The following WDR70 variants were observed in gnomAD, a reference collection of about 807,000 sequenced individuals.
WDR70 encodes WD repeat domain 70.
WDR70 carries 53 observed loss-of-function variants against 88.6 expected under a neutral mutation model. The observed-to-expected ratio is 0.60, with a 90% confidence interval of 0.48 to 0.75. WDR70 has a LOEUF of 0.75. Ranked by LOEUF, WDR70 falls within the 30% of genes least tolerant of loss-of-function variation. WDR70 has a pLI of 0.00. For missense variants in WDR70, 610 were observed against 823.2 expected, an observed-to-expected ratio of 0.74 and a Z score of 3.17; for synonymous variants, 280 against 270.0, an observed-to-expected ratio of 1.04 and a Z score of -0.36.
intron 7 of WDR70, among the ~76,000 whole-genome samples, chr5:37,473,499 C>T (rs1310674393): frequency 6.6e-6 from 1 of 151,884 alleles, no homozygotes; most frequent in East Asian, 1.9e-4. Context: ...TGTGCCATCA[C>T]GCTCAGCTAA....
At chr5:37,528,818 T>C (rs1006748862) in intron 9 of WDR70, among the ~76,000 whole-genome samples, 2 of 152,120 alleles carry the variant, frequency 1.3e-5, no homozygotes, top group Non-Finnish European at 2.9e-5. Context: ...TTTAGTTTAA[T>C]TGAGTCCCAT....
At chr5:37,404,059 C>G (rs1749281108) in intron 5 of WDR70, among the ~76,000 whole-genome samples, 1 of 152,142 alleles carries the variant, frequency 6.6e-6, no homozygotes, top group Non-Finnish European at 1.5e-5. Flanking sequence ...GTTTCTTAAT[C>G]TGAATGTAAG....
At chr5:37,522,610 C>G (rs1319174432) in intron 9 of WDR70, among the ~76,000 whole-genome samples, 1 of 152,036 alleles carries the variant, frequency 6.6e-6, no homozygotes, top group East Asian at 1.9e-4. Flanking sequence ...GTTCATCTCA[C>G]TGGGGCTTGT....
intron 10 of WDR70, among the ~76,000 whole-genome samples, chr5:37,647,781 G>T: frequency 6.6e-6 from 1 of 152,208 alleles, no homozygotes; most frequent in Non-Finnish European, 1.5e-5. Flanking sequence ...GCTGCCTGAA[G>T]TTAGAGGAGG....
intron 9 of WDR70, among the ~76,000 whole-genome samples, chr5:37,524,365 A>G (rs1741192336): frequency 6.6e-6 from 1 of 152,236 alleles, no homozygotes; most frequent in African/African-American, 2.4e-5. Context: ...CCAGAATTTC[A>G]TATCCAGCCA....
intron 9 of WDR70, among the ~76,000 whole-genome samples, chr5:37,576,835 A>G (rs572658206): frequency 3.5e-4 from 53 of 150,380 alleles, no homozygotes; most frequent in African/African-American, 1.3e-3. Context: ...CATCAAATTT[A>G]TTTTTATTTT....
intron 8 of WDR70, among the ~76,000 whole-genome samples, chr5:37,496,437 G>A (rs1339649492): frequency 6.6e-6 from 1 of 152,128 alleles, no homozygotes; most frequent in Non-Finnish European, 1.5e-5. Flanking sequence ...CTCCAGACAC[G>A]TCTGAACATC....
intron 9 of WDR70, among the ~76,000 whole-genome samples, chr5:37,544,843 A>T (rs897869694): frequency 2.0e-5 from 3 of 152,172 alleles, no homozygotes; most frequent in African/African-American, 7.2e-5. Context: ...TGGATCTCAT[A>T]AGCTTTTGCT....
intron 10 of WDR70, among the ~76,000 whole-genome samples, chr5:37,616,339 C>T (rs1744340427): frequency 6.6e-6 from 1 of 152,112 alleles, no homozygotes; most frequent in African/African-American, 2.4e-5. Flanking sequence ...AACTCCTGAC[C>T]TCAAGTGATC....
intron 10 of WDR70, among the ~76,000 whole-genome samples, chr5:37,609,476 A>G (rs1380535940): frequency 6.6e-6 from 1 of 152,180 alleles, no homozygotes; most frequent in Non-Finnish European, 1.5e-5. Context: ...GTGTTTTCTT[A>G]TCTTGCAATT....
chr5:37,735,121 C>G (rs2112720524), intron 17 of WDR70, among the ~76,000 whole-genome samples: 1 of 152,080 alleles, frequency 6.6e-6, no homozygotes, highest in African/African-American at 2.4e-5. Flanking sequence ...TTTTCCATCC[C>G]CTCCTGGCAA....
intron 5 of WDR70, among the ~76,000 whole-genome samples, chr5:37,430,278 G>T (rs1352696266): frequency 6.6e-6 from 1 of 152,162 alleles, no homozygotes; most frequent in Admixed American, 6.5e-5. Flanking sequence ...AAAGTAAAGT[G>T]GTCTACTAAT....
In WDR70 at chr5:37,490,698, G is replaced by T. The variant is rs567967409; in HGVS notation, c.840+10711G>T. 5.3e-5 allele frequency among the ~76,000 whole-genome samples: 8 copies of T among 152,194 alleles called. No homozygotes were observed. In the South Asian group the frequency reaches 1.7e-3, roughly 32 times the overall value. ...TGGGGCTTTGTTGCCGGGGGTAGGTGGGCAAGGTTACTCTCAGTGGCAGTG... is the reference window on the plus strand; with the variant it reads ...TGGGGCTTTGTTGCCGGGGGTAGGTTGGCAAGGTTACTCTCAGTGGCAGTG... On this transcript the variant is annotated intron_variant, in intron 8 of 17. Coordinates refer to ENST00000265107, the MANE Select transcript of WDR70 (RefSeq NM_018034.4).
At chr5:37,692,023 T>A (rs1228113048) in intron 10 of WDR70, among the ~76,000 whole-genome samples, 1 of 151,948 alleles carries the variant, frequency 6.6e-6, no homozygotes, top group Non-Finnish European at 1.5e-5. Context: ...ATAAAGGGGA[T>A]ATCACCACCG....
intron 3 of WDR70, 77 bp downstream of exon 3, chr5:37,381,762 AAAG>A (rs1464019328): frequency 1.3e-6 from 2 of 1,483,948 alleles, no homozygotes; most frequent in Admixed American, 1.8e-5. Context: ...AAAAAAGAGA[AAAG>A]AATGTTGGCT....
chr5:37,398,608 T>C (rs1581249339), intron 5 of WDR70, among the ~76,000 whole-genome samples: 1 of 152,216 alleles, frequency 6.6e-6, no homozygotes, highest in East Asian at 1.9e-4. Flanking sequence ...AAGCTTCTAA[T>C]TTCAATTTTG....
chr5:37,703,775 A>T (rs1747237855), intron 13 of WDR70, among the ~76,000 whole-genome samples: 2 of 152,200 alleles, frequency 1.3e-5, no homozygotes, highest in South Asian at 4.1e-4. Flanking sequence ...TTTAAGCTGT[A>T]TATTATTATT....
chr5:37,620,437 A>G (rs542529528), intron 10 of WDR70, among the ~76,000 whole-genome samples: 1 of 152,280 alleles, frequency 6.6e-6, no homozygotes, highest in East Asian at 1.9e-4. Flanking sequence ...TATGCTCTCT[A>G]TTTGAAAATG....
chr5:37,566,745 C>T (rs1742752478), intron 9 of WDR70, among the ~76,000 whole-genome samples: 1 of 152,140 alleles, frequency 6.6e-6, no homozygotes, highest in Non-Finnish European at 1.5e-5. Flanking sequence ...AAGGCTAATA[C>T]ATAAGGCCTG....
Sources: allele counts gnomAD v4.1 joint callset (sites outside exome capture counted in the v4.1 genomes callset), GRCh38; gene constraint gnomAD v4.1.1; transcripts MANE v1.5; gene names NCBI Gene and HGNC (gene_info 2026-07-23, HGNC 2026-07-21).